CLSTN2: variants seen among roughly 807,000 people sequenced by gnomAD.
The protein encoded by CLSTN2 is calsyntenin-2.
In CLSTN2, 48 loss-of-function variants were observed where a neutral mutation model predicts 101.2. The observed-to-expected ratio is 0.47, with a 90% CI of 0.38 to 0.60. The LOEUF (loss-of-function observed/expected upper bound fraction) is 0.60, where lower values mean the gene tolerates loss of function less well. Ranked by LOEUF, CLSTN2 falls within the 20% of genes least tolerant of loss-of-function variation. The pLI is 0.00. For synonymous variants in CLSTN2, 481 were observed against 463.6 expected, an observed-to-expected ratio of 1.04 and a Z score of -0.48; for missense variants, 1,160 against 1,238.2, an observed-to-expected ratio of 0.94 and a Z score of 0.95.
At chr3:140,320,094 T>C (rs183889184) in intron 2 of CLSTN2, among the ~76,000 whole-genome samples, 19 of 152,312 alleles carry the variant, frequency 1.2e-4, no homozygotes, top group Admixed American at 1.2e-3. Flanking sequence ...CCACCATGCA[T>C]TGTGGCTTCT....
intron 4 of CLSTN2, among the ~76,000 whole-genome samples, chr3:140,416,777 G>A (rs546487315): frequency 3.5e-4 from 54 of 152,192 alleles, no homozygotes; most frequent in Non-Finnish European, 5.3e-4. Context: ...TGGAGGGAGC[G>A]GTAGGCTCTC....
rs376362083 is a variant in CLSTN2, at chr3:140,403,865, C to T, written c.428+41C>T. 1.9e-5 allele frequency: 28 copies of T among 1,485,972 alleles called. No individual in the cohort carries two copies. In the Middle Eastern group the frequency reaches 8.3e-4, roughly 44 times the overall value. 92.0% of individuals were successfully genotyped at this position (1,485,972 alleles called of 1,614,324 possible). The stretch of plus-strand genomic sequence containing the variant: ...GAGCCCTCTGGACGCCCCTCCCTCC[C>T]GTGCCCACCCCACTTCATTCACATG... On this transcript the variant is annotated intron_variant, in intron 3 of 16. Transcript: ENST00000458420.
chr3:140,372,389 C>T (rs1333326447), intron 2 of CLSTN2, among the ~76,000 whole-genome samples: 3 of 152,196 alleles, frequency 2.0e-5, no homozygotes, highest in Non-Finnish European at 4.4e-5. Flanking sequence ...AGCATCTTTT[C>T]CCACCTTCCT....
At chr3:140,337,186 G>A (rs543722581) in intron 2 of CLSTN2, among the ~76,000 whole-genome samples, 3 of 152,224 alleles carry the variant, frequency 2.0e-5, no homozygotes, top group East Asian at 1.9e-4. Flanking sequence ...TCTTGGATCC[G>A]TTGAAACAAA....
intron 2 of CLSTN2, among the ~76,000 whole-genome samples, chr3:140,307,401 T>C (rs767901373): frequency 3.2e-4 from 48 of 152,194 alleles, no homozygotes; most frequent in Admixed American, 5.2e-4. Context: ...CTGAGCTCTT[T>C]GGCAGAGCAG....
At chr3:140,051,665 A>G (rs1233488038) in intron 1 of CLSTN2, among the ~76,000 whole-genome samples, 1 of 152,194 alleles carries the variant, frequency 6.6e-6, no homozygotes, top group African/African-American at 2.4e-5. Context: ...ACCGGGCTAC[A>G]TCTGGAATCA....
In CLSTN2 at chr3:140,014,028, C is replaced by T. The variant is rs567039874; in HGVS notation, c.109+78545C>T. Among the ~76,000 whole-genome samples the T allele has an allele frequency of 9.2e-5, 14 of 152,282 alleles. No homozygotes were observed. The South Asian group carries it at 2.9e-3, about 32-fold the overall frequency. On this transcript the variant is annotated intron_variant, in intron 1 of 16. Coordinates refer to ENST00000458420, the MANE Select transcript of CLSTN2 (RefSeq NM_022131.3). ...ACAGAAAGCTACTTCCTTCTGACTA[C>T]TATTGTATTCCTTGATGCCATTTTC...
At chr3:140,483,524 T>C (rs1934172479) in intron 8 of CLSTN2, among the ~76,000 whole-genome samples, 1 of 152,222 alleles carries the variant, frequency 6.6e-6, no homozygotes, top group Non-Finnish European at 1.5e-5. Context: ...CATTGATCTG[T>C]CTAATGTTGA....
chr3:140,171,258 A>G (rs1180676407), intron 1 of CLSTN2, among the ~76,000 whole-genome samples: 3 of 152,138 alleles, frequency 2.0e-5, no homozygotes, highest in East Asian at 1.9e-4. Flanking sequence ...CTACTGTCCA[A>G]TTCACACCTG....
At chr3:140,250,702 A>C (rs1477454128) in intron 2 of CLSTN2, among the ~76,000 whole-genome samples, 1 of 152,164 alleles carries the variant, frequency 6.6e-6, no homozygotes, top group Non-Finnish European at 1.5e-5. Flanking sequence ...TTCGCCAGGG[A>C]TAATTAGGCC....
chr3:140,295,877 C>T (rs547390917), intron 2 of CLSTN2, among the ~76,000 whole-genome samples: 201 of 152,206 alleles, frequency 1.3e-3, no homozygotes, highest in Non-Finnish European at 2.4e-3. Flanking sequence ...TCTTTAGAGC[C>T]TTTTATATGC....
intron 4 of CLSTN2, among the ~76,000 whole-genome samples, chr3:140,416,692 T>C (rs1304101227): frequency 2.0e-5 from 3 of 152,240 alleles, no homozygotes; most frequent in African/African-American, 7.2e-5. Context: ...GTGTGATTGT[T>C]ATCTGAACTG....
intron 6 of CLSTN2, chr3:140,449,574 C>T (rs772956498): frequency 3.3e-5 from 5 of 152,182 alleles, no homozygotes; most frequent in African/African-American, 4.8e-5. Context: ...GTACCGCCTC[C>T]CTTTTAGTCC....
At chr3:140,022,588 G>C (rs1378739360) in intron 1 of CLSTN2, among the ~76,000 whole-genome samples, 2 of 152,210 alleles carry the variant, frequency 1.3e-5, no homozygotes, top group African/African-American at 4.8e-5. Flanking sequence ...AGCAAGGGCT[G>C]TTTGGTAAGG....
intron 1 of CLSTN2, among the ~76,000 whole-genome samples, chr3:140,120,850 A>G (rs138665320): frequency 1.3e-5 from 2 of 152,248 alleles, no homozygotes; most frequent in East Asian, 3.9e-4. Flanking sequence ...CCTATAGAGG[A>G]CTGTCCCATG....
chr3:140,496,505 A>G (rs1934469777), intron 8 of CLSTN2, among the ~76,000 whole-genome samples: 1 of 152,168 alleles, frequency 6.6e-6, no homozygotes. Context: ...ACAATGTTGA[A>G]TAGAAGTGAT....
chr3:140,376,822 G>A (rs377697037), intron 2 of CLSTN2, among the ~76,000 whole-genome samples: 2 of 152,144 alleles, frequency 1.3e-5, no homozygotes, highest in African/African-American at 2.4e-5. Context: ...CCACAGGCTG[G>A]GTTTGTATTG....
chr3:140,062,626 C>A (rs1299582663), intron 1 of CLSTN2, among the ~76,000 whole-genome samples: 1 of 152,174 alleles, frequency 6.6e-6, no homozygotes, highest in African/African-American at 2.4e-5. Context: ...CCTTGCCCTG[C>A]CCTGGCTGAG....
At chr3:140,348,223 A>C (rs759283308) in intron 2 of CLSTN2, among the ~76,000 whole-genome samples, 1 of 152,230 alleles carries the variant, frequency 6.6e-6, no homozygotes, top group Non-Finnish European at 1.5e-5. Context: ...CTCAGAAAGA[A>C]ACCACATTTT....
Sources: gnomAD v4.1 joint callset for allele counts (sites outside exome capture counted in the v4.1 genomes callset) on GRCh38, gnomAD v4.1.1 for gene constraint, MANE v1.5 for transcripts, NCBI Gene and HGNC (gene_info 2026-07-23, HGNC 2026-07-21) for gene names.